The following SYT17 variants were observed in gnomAD, a reference collection of about 807,000 sequenced individuals.
The protein encoded by SYT17 is synaptotagmin 17.
Under a neutral mutation model 46.7 loss-of-function variants are expected in SYT17, and 22 were observed. That is an observed-to-expected ratio of 0.47 (90% confidence interval 0.34 to 0.67). The LOEUF (loss-of-function observed/expected upper bound fraction) is 0.67. SYT17 is among the 30% of genes least tolerant of loss of function. SYT17 has a pLI of 0.01. For synonymous variants in SYT17, 251 were observed against 248.4 expected (o/e 1.01, Z -0.10); for missense variants, 519 against 612.8 (o/e 0.85, Z 1.62).
At chr16:19,244,048 G>A (rs545505149) in intron 7 of SYT17, among the ~76,000 whole-genome samples, 1 of 152,052 alleles carries the variant, frequency 6.6e-6, no homozygotes, top group Non-Finnish European at 1.5e-5. Context: ...GGAGTTTAGT[G>A]GTAGCTCTTA....
intron 7 of SYT17, among the ~76,000 whole-genome samples, chr16:19,251,291 G>A: frequency 6.6e-6 from 1 of 152,186 alleles, no homozygotes; most frequent in East Asian, 1.9e-4. Context: ...TCCCAGGTGG[G>A]CCTCCTCCTG....
intron 5 of SYT17, among the ~76,000 whole-genome samples, chr16:19,190,065 A>G (rs2239977): frequency 0.7 from 107,160 of 152,188 alleles, 39,534 homozygotes; most frequent in African/African-American, 0.93. Flanking sequence ...TGAGTAGGAC[A>G]AGGGGATTGA....
chr16:19,227,795 C>T (rs572442499), intron 7 of SYT17, among the ~76,000 whole-genome samples: 1 of 152,154 alleles, frequency 6.6e-6, no homozygotes, highest in African/African-American at 2.4e-5. Context: ...GTATTAAACA[C>T]CTTCTGTGCC....
At position 19,183,696 on chromosome 16, in the gene SYT17, A is replaced by G; in HGVS notation, c.500A>G (p.Asn167Ser). The G allele has an allele frequency of 6.2e-7, 1 of 1,614,192 alleles. No homozygotes were observed. ...FEPHLYSLDS[N>S]SDDVDSLTDE... ...CCCCACCTGTACTCCCTCGACTCCA[A>G]CAGCGACGATGTGGACTCTCTGACA... Residue 167 changes from asparagine (N) to serine (S), a missense_variant, in exon 5 of 8, where the codon AAC becomes AGC. Transcript: ENST00000355377. This position sits in a 1 kb window ranked among gnomAD's most constrained non-coding sequence, Gnocchi z 5.6.
At chr16:19,264,028 G>T (rs373567415) in intron 7 of SYT17, among the ~76,000 whole-genome samples, 3 of 152,162 alleles carry the variant, frequency 2.0e-5, no homozygotes, top group African/African-American at 7.2e-5. Flanking sequence ...TCATAATTGG[G>T]ATTAGTGCCC....
chr16:19,193,087 A>C (rs549855002), intron 5 of SYT17, among the ~76,000 whole-genome samples: 1 of 152,354 alleles, frequency 6.6e-6, no homozygotes, highest in South Asian at 2.1e-4. Context: ...CCAGACTTGC[A>C]TCTAAAACTT....
At position 19,233,158 on chromosome 16, in the gene SYT17, G is replaced by A. The variant is rs141163954; in HGVS notation, c.1228+8320G>A. 6.4e-4 allele frequency among the ~76,000 whole-genome samples: 98 copies of A among 152,268 alleles called. 2 individuals carry two copies. The East Asian group carries it at 0.014, about 22-fold the overall frequency. On this transcript the variant is annotated intron_variant, in intron 7 of 7. Coordinates refer to ENST00000355377, the MANE Select transcript of SYT17 (RefSeq NM_016524.4). ...GCCTCCCAGACCCCTCTGTGAGAGC[G>A]AGTGCCAAGGCACCTGGTCTGTGTT...
At chr16:19,207,917 A>G (rs1392324726) in intron 5 of SYT17, among the ~76,000 whole-genome samples, 1 of 152,156 alleles carries the variant, frequency 6.6e-6, no homozygotes, top group Non-Finnish European at 1.5e-5. Context: ...AGGAAAAAAA[A>G]GAAAGAAAGA....
intron 3 of SYT17, among the ~76,000 whole-genome samples, chr16:19,175,091 T>C (rs576300368): frequency 6.6e-6 from 1 of 152,222 alleles, no homozygotes; most frequent in South Asian, 2.1e-4. Flanking sequence ...ATTGCGCCAC[T>C]GCACTCCAGC....
At chr16:19,243,903 A>G (rs61141609) in intron 7 of SYT17, among the ~76,000 whole-genome samples, 5,013 of 150,694 alleles carry the variant, frequency 0.033, 296 homozygotes, top group African/African-American at 0.12. Flanking sequence ...TACAAGAAGC[A>G]CCTCTAAGAC....
At chr16:19,213,368 G>T (rs1455382662) in intron 5 of SYT17, among the ~76,000 whole-genome samples, 1 of 152,208 alleles carries the variant, frequency 6.6e-6, no homozygotes, top group Non-Finnish European at 1.5e-5. Context: ...ACACTGGCAG[G>T]AAGGACAGTT....
In SYT17 at chr16:19,205,549, C is replaced by T. The variant is rs76987842; in HGVS notation, c.952-17496C>T. The stretch of plus-strand genomic sequence containing the variant: ...CTGCCTCCCAGGTTAAAGTGATTCT[C>T]GTGCCTCAGCCTCCTGAGTATCTGG... On this transcript the variant is annotated intron_variant, in intron 5 of 7. Coordinates refer to ENST00000355377, the MANE Select transcript of SYT17 (RefSeq NM_016524.4). Among the ~76,000 whole-genome samples, 841 of 152,162 alleles carry T rather than the reference C, an allele frequency of 5.5e-3. 9 individuals are homozygous for T. Among genetic ancestry groups the T allele is most frequent in the Non-Finnish European group, 9.3e-3 (634 of 68,006 alleles).
chr16:19,192,076 C>T lies in SYT17; in HGVS notation c.951+7929C>T, dbSNP rs567340945. Reference sequence around the variant, plus strand: ...GGGATTACAGGCGCGAGCCACCGCGCGGCCGCACTGTACAATTCTTTAAGC... The same window carrying T: ...GGGATTACAGGCGCGAGCCACCGCGTGGCCGCACTGTACAATTCTTTAAGC... On this transcript the variant is annotated intron_variant, in intron 5 of 7. Coordinates refer to ENST00000355377, the MANE Select transcript of SYT17 (RefSeq NM_016524.4). Among the ~76,000 whole-genome samples, 42 of 152,356 alleles carry T rather than the reference C, an allele frequency of 2.8e-4. No individual in the cohort carries two copies. The South Asian group carries it at 3.7e-3, about 14-fold the overall frequency.
intron 7 of SYT17, among the ~76,000 whole-genome samples, chr16:19,258,558 C>T (rs2143000700): frequency 6.6e-6 from 1 of 152,296 alleles, no homozygotes; most frequent in South Asian, 2.1e-4. Context: ...AGGAGAATCA[C>T]TTCAACCCGG....
At chr16:19,205,728 G>A (rs748759306) in intron 5 of SYT17, among the ~76,000 whole-genome samples, 55 of 152,030 alleles carry the variant, frequency 3.6e-4, no homozygotes, top group African/African-American at 9.4e-4. Context: ...GTGATCCACC[G>A]GCCTCGGCCT....
intron 7 of SYT17, among the ~76,000 whole-genome samples, chr16:19,239,963 C>T (rs775988634): frequency 2.6e-5 from 4 of 152,338 alleles, no homozygotes; most frequent in African/African-American, 4.8e-5. Flanking sequence ...TGCGAGGCTG[C>T]GGCTGGACCA....
intron 7 of SYT17, among the ~76,000 whole-genome samples, chr16:19,252,482 CATAT>C (rs547067243): frequency 4.1e-4 from 2 of 4,840 alleles, no homozygotes; most frequent in Non-Finnish European, 5.9e-4. Flanking sequence ...TATATATATA[CATAT>C]ATATATACAT....
intron 5 of SYT17, among the ~76,000 whole-genome samples, chr16:19,190,736 C>T (rs953314287): frequency 1.3e-5 from 2 of 151,126 alleles, no homozygotes; most frequent in Non-Finnish European, 2.9e-5. Context: ...TCAGAATTTC[C>T]TTCCTTTCTA....
intron 7 of SYT17, among the ~76,000 whole-genome samples, chr16:19,246,034 C>T (rs2142989914): frequency 1.3e-5 from 2 of 150,638 alleles, no homozygotes; most frequent in South Asian, 4.2e-4. Flanking sequence ...GAGACAGAGT[C>T]TCACTCTGTC....
Sources: allele counts gnomAD v4.1 joint callset (sites outside exome capture counted in the v4.1 genomes callset), GRCh38; gene constraint gnomAD v4.1.1; non-coding constraint Gnocchi (gnomAD v3.1); transcripts MANE v1.5; gene names NCBI Gene and HGNC (gene_info 2026-07-23, HGNC 2026-07-21).